Variants in ARK2C observed in about 807,000 individuals in gnomAD.
The protein encoded by ARK2C is arkadia (RNF111) C-terminal like ring finger ubiquitin ligase 2C.
chr18:46,384,043 T>C, the ARK2C span, among the ~76,000 whole-genome samples: 1 of 152,256 alleles, frequency 6.6e-6, no homozygotes, highest in Non-Finnish European at 1.5e-5. Flanking sequence ...TTGGATATTT[T>C]TTCTTAACAG....
the ARK2C span, among the ~76,000 whole-genome samples, chr18:46,381,303 C>T: frequency 1.3e-5 from 2 of 152,228 alleles, no homozygotes; most frequent in Admixed American, 6.5e-5. Context: ...TGTGGGGCCA[C>T]AAGAGCAGGT....
At chr18:46,416,963 C>T in the ARK2C span, among the ~76,000 whole-genome samples, 5 of 152,156 alleles carry the variant, frequency 3.3e-5, no homozygotes, top group Non-Finnish European at 5.9e-5. Context: ...ATGGGAGGAG[C>T]TTGTATGGGA....
the ARK2C span, among the ~76,000 whole-genome samples, chr18:46,402,565 T>C: frequency 6.6e-6 from 1 of 152,092 alleles, no homozygotes; most frequent in East Asian, 1.9e-4. Flanking sequence ...CACGCTGGAG[T>C]GCGTGACTCA....
the ARK2C span, among the ~76,000 whole-genome samples, chr18:46,347,465 G>C: frequency 6.6e-6 from 1 of 152,172 alleles, no homozygotes; most frequent in Non-Finnish European, 1.5e-5. Context: ...AGAGAGTCAC[G>C]TGGAGGGGTC....
the ARK2C span, chr18:46,460,119 T>C: frequency 6.5e-6 from 1 of 152,734 alleles, no homozygotes; most frequent in Admixed American, 6.5e-5. Flanking sequence ...CTTCTGCAAA[T>C]GTTCCCAGCC....
At chr18:46,453,422 G>A in the ARK2C span, among the ~76,000 whole-genome samples, 12 of 152,122 alleles carry the variant, frequency 7.9e-5, no homozygotes, top group African/African-American at 1.7e-4. Flanking sequence ...CAACAGGCAC[G>A]AGGAAATTGT....
the ARK2C span, chr18:46,461,224 T>C: frequency 6.6e-6 from 1 of 152,166 alleles, no homozygotes; most frequent in African/African-American, 2.4e-5. Context: ...TGAGTCTCAG[T>C]TTTCTGGGTG....
At chr18:46,408,583 A>G in the ARK2C span, among the ~76,000 whole-genome samples, 1 of 152,236 alleles carries the variant, frequency 6.6e-6, no homozygotes, top group African/African-American at 2.4e-5. Context: ...AAGAGAGCAC[A>G]TCATGGGAAC....
the ARK2C span, among the ~76,000 whole-genome samples, chr18:46,453,920 C>T: frequency 1.3e-5 from 2 of 151,430 alleles, no homozygotes; most frequent in African/African-American, 4.8e-5. Flanking sequence ...TGAGACCAGC[C>T]TGGCCATCAT....
chr18:46,418,654 A>G, the ARK2C span, among the ~76,000 whole-genome samples: 4 of 152,230 alleles, frequency 2.6e-5, no homozygotes, highest in Non-Finnish European at 5.9e-5. Context: ...CACCTAGAAC[A>G]ATGTCTCACA....
chr18:46,346,503 G>A, the ARK2C span, among the ~76,000 whole-genome samples: 2 of 152,198 alleles, frequency 1.3e-5, no homozygotes, highest in African/African-American at 4.8e-5. Context: ...GGGCCGAGGG[G>A]ATGGGAAACT....
At chr18:46,455,876 C>T in the ARK2C span, 2 of 680,346 alleles carry the variant, frequency 2.9e-6, no homozygotes, top group Admixed American at 2.8e-5. Context: ...CTTTAAAAAA[C>T]CTGACTCCCA....
the ARK2C span, among the ~76,000 whole-genome samples, chr18:46,364,825 G>A: frequency 1.3e-5 from 2 of 152,248 alleles, no homozygotes; most frequent in African/African-American, 4.8e-5. Flanking sequence ...GGATATCTCT[G>A]GGCTCCTGCT....
the ARK2C span, among the ~76,000 whole-genome samples, chr18:46,415,994 C>T: frequency 6.6e-6 from 1 of 152,156 alleles, no homozygotes; most frequent in South Asian, 2.1e-4. Context: ...CAGCTGGCCA[C>T]TCAGGGCTGG....
the ARK2C span, among the ~76,000 whole-genome samples, chr18:46,382,982 C>G: frequency 6.6e-6 from 1 of 152,266 alleles, no homozygotes; most frequent in Non-Finnish European, 1.5e-5. Context: ...TTAATACTCA[C>G]TCCCCCCACC....
At chr18:46,441,760 C>T in the ARK2C span, among the ~76,000 whole-genome samples, 10,717 of 149,126 alleles carry the variant, frequency 0.072, 420 homozygotes, top group African/African-American at 0.089. Context: ...CAGTGGCGGG[C>T]GCCTGTAGTC....
chr18:46,364,473 TG>T, the ARK2C span, among the ~76,000 whole-genome samples: 1 of 151,566 alleles, frequency 6.6e-6, no homozygotes, highest in Non-Finnish European at 1.5e-5. Flanking sequence ...ACACATTTTG[TG>T]GGCTCCCCAG....
the ARK2C span, among the ~76,000 whole-genome samples, chr18:46,451,251 G>A: frequency 3.0e-4 from 46 of 152,304 alleles, no homozygotes; most frequent in East Asian, 4.2e-3. Context: ...CTGACTGAGC[G>A]TCAGGATCAC....
chr18:46,351,852 C>A, the ARK2C span, among the ~76,000 whole-genome samples: 1 of 152,210 alleles, frequency 6.6e-6, no homozygotes, highest in Non-Finnish European at 1.5e-5. Flanking sequence ...ACAAACATTG[C>A]AGCCTCAGCA....
Sources: gnomAD v4.1 joint callset for allele counts (sites outside exome capture counted in the v4.1 genomes callset) on GRCh38, gnomAD v4.1.1 for gene constraint, MANE v1.5 for transcripts, NCBI Gene and HGNC (gene_info 2026-07-23, HGNC 2026-07-21) for gene names.